The following SLC16A9 variants were observed in gnomAD, a reference collection of about 807,000 sequenced individuals.
SLC16A9 encodes solute carrier family 16 member 9, also known as monocarboxylate transporter 9.
SLC16A9 carries 26 observed loss-of-function variants against 44.3 expected under a neutral mutation model. The ratio of observed to expected loss-of-function variants is 0.59; its 90% CI spans 0.43 to 0.81. The LOEUF (loss-of-function observed/expected upper bound fraction) is 0.81, where lower values mean the gene tolerates loss of function less well. SLC16A9 is among the 40% of genes least tolerant of loss of function. The pLI is 0.00. For missense variants in SLC16A9, 559 were observed against 595.8 expected (o/e 0.94, Z 0.64); for synonymous variants, 230 against 225.1 (o/e 1.02, Z -0.19).
intron 5 of SLC16A9, 41 bp downstream of exon 5, chr10:59,653,634 A>T (rs1839268790): frequency 1.3e-6 from 2 of 1,540,650 alleles, no homozygotes; most frequent in African/African-American, 2.7e-5. Context: ...TATGACAAGG[A>T]AGAACAGTAA....
At chr10:59,663,125 C>T (rs1309013073) in intron 4 of SLC16A9, among the ~76,000 whole-genome samples, 2 of 151,920 alleles carry the variant, frequency 1.3e-5, no homozygotes, top group African/African-American at 2.4e-5. Context: ...TTTGGGAGGC[C>T]GAGAGGGGCA....
At chr10:59,668,188 G>A (rs1839665677) in intron 3 of SLC16A9, among the ~76,000 whole-genome samples, 1 of 151,892 alleles carries the variant, frequency 6.6e-6, no homozygotes, top group East Asian at 1.9e-4. Flanking sequence ...TCATACTACT[G>A]CAATAAAGAC....
At chr10:59,671,036 C>G (rs1839738251) in intron 3 of SLC16A9, among the ~76,000 whole-genome samples, 1 of 152,170 alleles carries the variant, frequency 6.6e-6, no homozygotes, top group Admixed American at 6.5e-5. Context: ...TTAGTCCTCA[C>G]AAGACCCATA....
At chr10:59,709,967 C>G (rs2132567938), upstream of SLC16A9, 2 of 151,704 alleles carry the variant, frequency 1.3e-5, no homozygotes, top group African/African-American at 4.9e-5. Flanking sequence ...CCCGGCCCGG[C>G]CAGGAGTAGG....
At chr10:59,677,880 AT>A (rs1203205042) in intron 2 of SLC16A9, among the ~76,000 whole-genome samples, 2 of 151,524 alleles carry the variant, frequency 1.3e-5, no homozygotes, top group Non-Finnish European at 2.9e-5. Context: ...TTTTATTATT[AT>A]TTTTTTAATT....
chr10:59,681,535 ATG>A, intron 2 of SLC16A9, among the ~76,000 whole-genome samples: 1 of 123,420 alleles, frequency 8.1e-6, no homozygotes, highest in African/African-American at 3.0e-5. Flanking sequence ...GTGTATGTGT[ATG>A]TGTATGTATA....
rs1262435142 is a variant in SLC16A9 at position 59,684,137 on chromosome 10, G to C, written c.155C>G (p.Ala52Gly). The C allele has an allele frequency of 1.2e-6, 2 of 1,613,780 alleles. No homozygotes were observed. Among genetic ancestry groups the C allele is most frequent in the African/African-American group, 1.3e-5 (1 of 74,998 alleles). The change falls in exon 2 of 6, where the codon GCC becomes GGC. Residue 52 changes from alanine (A) to glycine (G), a missense_variant. Ala to Gly is a moderately conservative substitution (Grantham distance 60). Transcript: ENST00000395348. ...TCCACTTGCCAGGGATCCAACCCAGGCTGTTTTTCCTTTTCCTTCACCAAA... is the reference window on the plus strand; with the variant it reads ...TCCACTTGCCAGGGATCCAACCCAGCCTGTTTTTCCTTTTCCTTCACCAAA... ...DAFGEGKGKT[A>G]WVGSLASGVG...
Position 59,653,744 on chromosome 10 carries a change from A to G in SLC16A9, c.1282T>C (p.Leu428=), listed in dbSNP as rs768329702. 2 of 1,614,068 alleles carry G rather than the reference A, an allele frequency of 1.2e-6. No homozygotes were observed. The highest frequency in any genetic ancestry group is 3.3e-5 in the Admixed American group (2 of 60,010). Residue 428 remains leucine (L), a synonymous_variant, in exon 5 of 6, where the codon TTA becomes CTA. Transcript: ENST00000395348. ...VTTKTVGIEK[L]AHAYGILMFF... is the part of the protein sequence containing the mutation. ...ATTAATATCCCATAGGCATGGGCTA[A>G]TTTTTCAATTCCCACAGTCTTCGTG...
chr10:59,664,193 T>G (rs1233870345), intron 4 of SLC16A9, 34 bp downstream of exon 4: 1 of 1,459,684 alleles, frequency 6.9e-7, no homozygotes, highest in Admixed American at 1.8e-5. Flanking sequence ...GAAGACTGAA[T>G]GGTGACAATA....
chr10:59,708,058 G>C (rs920055659), intron 1 of SLC16A9, among the ~76,000 whole-genome samples: 1 of 152,150 alleles, frequency 6.6e-6, no homozygotes, highest in Non-Finnish European at 1.5e-5. Context: ...TTAGGGGGTC[G>C]GTGGTGCTGA....
intron 3 of SLC16A9, among the ~76,000 whole-genome samples, chr10:59,670,386 C>T (rs1160717335): frequency 6.6e-6 from 1 of 152,138 alleles, no homozygotes; most frequent in Non-Finnish European, 1.5e-5. Flanking sequence ...ACTATGTCAC[C>T]CATCTTCACA....
At chr10:59,703,178 G>A (rs1466625830) in intron 1 of SLC16A9, among the ~76,000 whole-genome samples, 1 of 152,180 alleles carries the variant, frequency 6.6e-6, no homozygotes, top group Admixed American at 6.5e-5. Context: ...GGGTGCAGTG[G>A]TGCAATCACA....
intron 2 of SLC16A9, among the ~76,000 whole-genome samples, chr10:59,681,609 T>TATG (rs1470179262): frequency 1.1e-5 from 1 of 93,924 alleles, no homozygotes; most frequent in African/African-American, 4.4e-5. Flanking sequence ...TGTATATGTA[T>TATG]ATGTATATGT....
Position 59,661,713 on chromosome 10 carries a change from AAAGCTGAAGGC to A in SLC16A9, c.436+2503_436+2513del, listed in dbSNP as rs1456324515. Among the ~76,000 whole-genome samples, 8 of 152,196 alleles carry A rather than the reference AAAGCTGAAGGC, an allele frequency of 5.3e-5. No individual in the cohort carries two copies. In the South Asian group the frequency reaches 1.4e-3, roughly 28 times the overall value. On this transcript the variant is annotated intron_variant, in intron 4 of 5. Coordinates refer to ENST00000395348, the MANE Select transcript of SLC16A9 (RefSeq NM_194298.3). The stretch of plus-strand genomic sequence containing the variant: ...CAAGACAATTCTAAGCAAAAGGAAC[AAAGCTGAAGGC>A]TTCACACTACCTGACTTCAAACTAT...
intron 4 of SLC16A9, among the ~76,000 whole-genome samples, chr10:59,663,937 T>A (rs1251982526): frequency 6.6e-6 from 1 of 151,302 alleles, no homozygotes; most frequent in Non-Finnish European, 1.5e-5. Context: ...AAAAATGTAT[T>A]AATGTTATAC....
intron 2 of SLC16A9, among the ~76,000 whole-genome samples, chr10:59,683,713 T>C (rs1840071272): frequency 6.6e-6 from 1 of 152,238 alleles, no homozygotes; most frequent in Non-Finnish European, 1.5e-5. Flanking sequence ...ACCTTGAGCA[T>C]ACCTGGATCA....
chr10:59,665,794 G>T (rs184206012), intron 3 of SLC16A9, among the ~76,000 whole-genome samples: 1 of 152,062 alleles, frequency 6.6e-6, no homozygotes, highest in Non-Finnish European at 1.5e-5. Context: ...TGTGTCAAAG[G>T]TTAAGCATTC....
At chr10:59,670,993 T>C (rs767906331) in intron 3 of SLC16A9, among the ~76,000 whole-genome samples, 3 of 152,170 alleles carry the variant, frequency 2.0e-5, no homozygotes, top group Non-Finnish European at 4.4e-5. Flanking sequence ...CTAACTCAAC[T>C]CTTTATTTTA....
Position 59,654,578 on chromosome 10 carries a change from C to G in SLC16A9, c.448G>C (p.Gly150Arg). ...LGLISTGSSV[G>R]LFIYAALQRM... is the part of the protein sequence containing the mutation. ...TGCAGAGCAGCATATATGAAAAGGC[C>G]AACGCTTGAACCTAAAAAGGGAATG... Residue 150 changes from glycine (G) to arginine (R), a missense_variant, in exon 5 of 6, where the codon GGC becomes CGC. By Grantham distance (125) the Gly-to-Arg change is moderately radical. Transcript: ENST00000395348. 3.2e-6 allele frequency: 5 copies of G among 1,579,026 alleles called. No homozygotes were observed. The highest frequency in any genetic ancestry group is 4.3e-6 in the Non-Finnish European group (5 of 1,168,266).
Sources: gnomAD v4.1 joint callset for allele counts (sites outside exome capture counted in the v4.1 genomes callset) on GRCh38, gnomAD v4.1.1 for gene constraint, MANE v1.5 for transcripts, NCBI Gene and HGNC (gene_info 2026-07-23, HGNC 2026-07-21) for gene names.